FHIP1A: variants seen among roughly 807,000 people sequenced by gnomAD.
FHIP1A encodes FHF complex subunit HOOK interacting protein 1A.
In FHIP1A, 61 loss-of-function variants were observed where a neutral mutation model predicts 88.6. The observed-to-expected ratio is 0.69, with a 90% confidence interval of 0.56 to 0.85. The LOEUF (loss-of-function observed/expected upper bound fraction) is 0.85, where lower values mean the gene tolerates loss of function less well. FHIP1A is among the 40% of genes least tolerant of loss of function. The pLI is 0.00. For missense variants in FHIP1A, 1,154 were observed against 1,273.5 expected, an observed-to-expected ratio of 0.91 and a Z score of 1.43; for synonymous variants, 478 against 496.0, an observed-to-expected ratio of 0.96 and a Z score of 0.48.
At position 151,663,645 on chromosome 4, in the gene FHIP1A, A is replaced by C. The variant is rs1230448659; in HGVS notation, c.*891A>C. On this transcript the variant is annotated 3_prime_UTR_variant, in exon 14 of 14. Transcript: ENST00000435205. ...ACTGATTAACTTGTGAAGCCATTTCATAGTGGGTTTTTTCAGGGAGGGTAT... is the reference window on the plus strand; with the variant it reads ...ACTGATTAACTTGTGAAGCCATTTCCTAGTGGGTTTTTTCAGGGAGGGTAT... 6.6e-6 allele frequency: 1 copy of C among 152,116 alleles called. No homozygotes were observed. Among genetic ancestry groups the C allele is most frequent in the African/African-American group, 2.4e-5 (1 of 41,446 alleles). 9.4% of individuals were successfully genotyped at this position (152,116 alleles called of 1,614,324 possible). A position where few individuals can be genotyped will look rare whatever the true frequency, so the allele number is the denominator to read the frequency against.
chr4:151,598,115 G>A (rs903753518), intron 7 of FHIP1A, among the ~76,000 whole-genome samples: 1 of 152,106 alleles, frequency 6.6e-6, no homozygotes, highest in Non-Finnish European at 1.5e-5. Context: ...CTCAGTGTCT[G>A]CCCAAATGGC....
chr4:151,524,801 A>G (rs1193259345), intron 3 of FHIP1A, among the ~76,000 whole-genome samples: 1 of 152,242 alleles, frequency 6.6e-6, no homozygotes, highest in African/African-American at 2.4e-5. Context: ...CCTGCTGAGT[A>G]TCAGTATGGT....
At chr4:151,452,609 A>G (rs1422909091) in intron 1 of FHIP1A, among the ~76,000 whole-genome samples, 1 of 152,036 alleles carries the variant, frequency 6.6e-6, no homozygotes, top group African/African-American at 2.4e-5. Flanking sequence ...CTATATATGT[A>G]TATAGATGTA....
chr4:151,581,233 T>C (rs978234703), intron 5 of FHIP1A, among the ~76,000 whole-genome samples: 4 of 152,126 alleles, frequency 2.6e-5, no homozygotes, highest in Admixed American at 1.3e-4. Context: ...ACAGTAGAAG[T>C]ACAAAATAAC....
At chr4:151,444,925 T>C (rs1728537394) in intron 1 of FHIP1A, among the ~76,000 whole-genome samples, 1 of 152,214 alleles carries the variant, frequency 6.6e-6, no homozygotes, top group East Asian at 1.9e-4. Flanking sequence ...TCTTTAATTC[T>C]TGGCAGACAT....
Position 151,665,114 on chromosome 4 carries a change from A to G in FHIP1A, c.*2360A>G, listed in dbSNP as rs369470699. Reference sequence around the variant, plus strand: ...CTCAGCCTTCCGAGTAGCTGGGAATATAGGAACGTGCCACCACACCCAGCT... The same window carrying G: ...CTCAGCCTTCCGAGTAGCTGGGAATGTAGGAACGTGCCACCACACCCAGCT... On this transcript the variant is annotated 3_prime_UTR_variant, in exon 14 of 14. Transcript: ENST00000435205. Among the ~76,000 whole-genome samples the G allele has an allele frequency of 6.6e-6, 1 of 152,132 alleles. No homozygotes were observed.
chr4:151,536,476 C>T (rs1732073666), intron 3 of FHIP1A, among the ~76,000 whole-genome samples: 2 of 152,154 alleles, frequency 1.3e-5, no homozygotes, highest in African/African-American at 4.8e-5. Context: ...TTTTCCCATA[C>T]ATCATCCCTA....
intron 3 of FHIP1A, among the ~76,000 whole-genome samples, chr4:151,505,570 A>C (rs563046417): frequency 2.5e-4 from 38 of 152,248 alleles, no homozygotes; most frequent in Non-Finnish European, 4.1e-4. Flanking sequence ...ACCACTGTGA[A>C]GCATATGAAT....
intron 2 of FHIP1A, among the ~76,000 whole-genome samples, chr4:151,470,871 T>G (rs1239169498): frequency 1.3e-5 from 2 of 152,144 alleles, no homozygotes; most frequent in Admixed American, 1.3e-4. Flanking sequence ...TTTCCTTTCT[T>G]TGGACTGTGG....
rs186268210 is a variant in FHIP1A at position 151,581,323 on chromosome 4, G to A, written c.732+3247G>A. Among the ~76,000 whole-genome samples the A allele has an allele frequency of 1.4e-4, 21 of 152,230 alleles. No homozygotes were observed. In the East Asian group the frequency reaches 4.0e-3, roughly 29 times the overall value. Reference sequence around the variant, plus strand: ...GAAGGGAAGGGATGGTAATGAGATTGGAGTAGGGTGCAGTTCTATTTGTAA... The same window carrying A: ...GAAGGGAAGGGATGGTAATGAGATTAGAGTAGGGTGCAGTTCTATTTGTAA... On this transcript the variant is annotated intron_variant, in intron 5 of 13. Coordinates refer to ENST00000435205, the MANE Select transcript of FHIP1A (RefSeq NM_001109977.3).
chr4:151,583,865 A>G (rs928961921), intron 5 of FHIP1A, among the ~76,000 whole-genome samples: 8 of 152,134 alleles, frequency 5.3e-5, no homozygotes, highest in Non-Finnish European at 8.8e-5. Context: ...AATTAAAGTG[A>G]TTTGTATGGG....
chr4:151,539,331 C>T (rs943950163), intron 3 of FHIP1A, among the ~76,000 whole-genome samples: 3 of 152,114 alleles, frequency 2.0e-5, no homozygotes, highest in Admixed American at 2.0e-4. Flanking sequence ...CCTGTAATCC[C>T]AGCGCTTTGG....
rs1316706395 is a variant in FHIP1A, at chr4:151,656,653, A to T, written c.2731-107A>T. 3 of 1,246,980 alleles carry T rather than the reference A, an allele frequency of 2.4e-6. No homozygotes were observed. In the East Asian group the frequency reaches 7.6e-5, roughly 32 times the overall value. 77.2% of individuals were successfully genotyped at this position (1,246,980 alleles called of 1,614,324 possible). A position where few individuals can be genotyped will look rare whatever the true frequency, so the allele number is the denominator to read the frequency against. On this transcript the variant is annotated intron_variant, in intron 12 of 13. Coordinates refer to ENST00000435205, the MANE Select transcript of FHIP1A (RefSeq NM_001109977.3). The surrounding 1 kb of genome is among the most constrained non-coding windows in gnomAD (Gnocchi z 4.2). Reference sequence around the variant, plus strand: ...GCAGTTAAAAATGAACAAATGTCTAACATCATAATAGTTCCCATAATGAGG... The same window carrying T: ...GCAGTTAAAAATGAACAAATGTCTATCATCATAATAGTTCCCATAATGAGG...
chr4:151,642,709 A>G (rs1404481653), intron 9 of FHIP1A, among the ~76,000 whole-genome samples: 3 of 152,022 alleles, frequency 2.0e-5, no homozygotes, highest in African/African-American at 7.3e-5. Context: ...GCATAGGGCA[A>G]TATGTATGCT....
At chr4:151,619,440 T>G (rs1455950779) in intron 7 of FHIP1A, among the ~76,000 whole-genome samples, 3 of 152,220 alleles carry the variant, frequency 2.0e-5, no homozygotes, top group Non-Finnish European at 2.9e-5. Context: ...GGTCACAATT[T>G]AAAGTTGAAT....
In FHIP1A at chr4:151,662,663, C is replaced by T. The variant is rs1285606333; in HGVS notation, c.3032C>T (p.Pro1011Leu). Residue 1011 changes from proline (P) to leucine (L), a missense_variant, in exon 14 of 14, where the codon CCA becomes CTA. Coordinates refer to ENST00000435205, the MANE Select transcript of FHIP1A (RefSeq NM_001109977.3). Reference protein sequence around the residue: ...RNPMLAAALFPEFLKELAALA... With the variant: ...RNPMLAAALFLEFLKELAALA... ...CCCATGCTGGCTGCTGCCCTCTTCCCAGAGTTCCTGAAGGAGCTGGCGGCC... is the reference window on the plus strand; with the variant it reads ...CCCATGCTGGCTGCTGCCCTCTTCCTAGAGTTCCTGAAGGAGCTGGCGGCC... The T allele has an allele frequency of 6.4e-7, 1 of 1,551,628 alleles. No individual in the cohort carries two copies. The highest frequency in any genetic ancestry group is 1.4e-5 in the African/African-American group (1 of 73,132).
At chr4:151,620,858 C>T (rs1735713368) in intron 7 of FHIP1A, among the ~76,000 whole-genome samples, 2 of 147,878 alleles carry the variant, frequency 1.4e-5, no homozygotes, top group African/African-American at 2.5e-5. Context: ...AAGGGTCCCA[C>T]CCTCCCTACA....
intron 7 of FHIP1A, among the ~76,000 whole-genome samples, chr4:151,621,924 A>G (rs1735761834): frequency 6.6e-6 from 1 of 152,072 alleles, no homozygotes; most frequent in Non-Finnish European, 1.5e-5. Flanking sequence ...CTGTTCAGGC[A>G]TTGTAAAATT....
chr4:151,423,820 A>G (rs1045159555), intron 1 of FHIP1A, among the ~76,000 whole-genome samples: 1 of 152,248 alleles, frequency 6.6e-6, no homozygotes, highest in Non-Finnish European at 1.5e-5. Context: ...TCAGGACAGT[A>G]TATAATAAAG....
Sources: gnomAD v4.1 joint callset for allele counts (sites outside exome capture counted in the v4.1 genomes callset) on GRCh38, gnomAD v4.1.1 for gene constraint, Gnocchi (gnomAD v3.1) non-coding constraint, MANE v1.5 for transcripts, NCBI Gene and HGNC (gene_info 2026-07-23, HGNC 2026-07-21) for gene names.